Variants in KCTD20 observed in about 807,000 individuals in gnomAD.
KCTD20 encodes BTB/POZ domain-containing protein KCTD20.
A neutral mutation model predicts 39.6 loss-of-function variants in KCTD20; 30 were observed. That is an observed-to-expected ratio of 0.76 (90% CI 0.57 to 1.03). KCTD20 has a LOEUF of 1.03. Ranked by LOEUF, KCTD20 falls within the 50% of genes least tolerant of loss-of-function variation. The pLI, the probability that KCTD20 is intolerant of heterozygous loss-of-function variation, is 0.00. For missense variants in KCTD20, 422 were observed against 522.0 expected (o/e 0.81, Z 1.87); for synonymous variants, 162 against 180.6 (o/e 0.90, Z 0.83).
chr6:36,466,990 A>G (rs541006529), intron 1 of KCTD20, among the ~76,000 whole-genome samples: 1 of 152,184 alleles, frequency 6.6e-6, no homozygotes, highest in East Asian at 1.9e-4. Context: ...GGGTTCGGTG[A>G]TATCTGAAAG....
intron 2 of KCTD20, among the ~76,000 whole-genome samples, chr6:36,470,895 A>G (rs1775891131): frequency 2.0e-5 from 3 of 152,228 alleles, no homozygotes. Flanking sequence ...CACGCCTATA[A>G]TCCCAGCACT....
At chr6:36,478,076 C>T (rs1389204688) in intron 3 of KCTD20, among the ~76,000 whole-genome samples, 1 of 138,356 alleles carries the variant, frequency 7.2e-6, no homozygotes, top group Non-Finnish European at 1.5e-5. Context: ...GCCTGGGCAA[C>T]AGAGCGAAAC....
At chr6:36,459,885 T>C (rs1295246754) in intron 1 of KCTD20, among the ~76,000 whole-genome samples, 1 of 152,246 alleles carries the variant, frequency 6.6e-6, no homozygotes, top group East Asian at 1.9e-4. Context: ...GCTTAGCTCT[T>C]TTCTATAAAA....
At chr6:36,447,770 CG>C (rs1199074876) in intron 1 of KCTD20, among the ~76,000 whole-genome samples, 1 of 151,794 alleles carries the variant, frequency 6.6e-6, no homozygotes, top group Non-Finnish European at 1.5e-5. Context: ...ATGGGCACAT[CG>C]CTTGAGCCCA....
At chr6:36,476,534 A>G (rs935950551) in intron 3 of KCTD20, among the ~76,000 whole-genome samples, 2 of 151,452 alleles carry the variant, frequency 1.3e-5, no homozygotes, top group African/African-American at 2.4e-5. Context: ...GGTTCAAGCA[A>G]TTCTCGTGCC....
At chr6:36,449,413 T>A (rs1582298181) in intron 1 of KCTD20, among the ~76,000 whole-genome samples, 1 of 151,980 alleles carries the variant, frequency 6.6e-6, no homozygotes. Context: ...GAGCGCTGAT[T>A]CATGCGTTTT....
chr6:36,475,018 G>A lies in KCTD20; in HGVS notation c.390G>A (p.Val130=), dbSNP rs748952407. 2 of 1,614,124 alleles carry A rather than the reference G, an allele frequency of 1.2e-6. No homozygotes were observed. The highest frequency in any genetic ancestry group is 2.2e-5 in the East Asian group (1 of 44,888). The change falls in exon 3 of 8, where the codon GTG becomes GTA. Residue 130 remains valine (V), a synonymous_variant. Transcript: ENST00000373731. ...TTGTAGATGGCACACGTTTTGTTGT[G>A]AATCCACAGATTTTCACTGCTCATC... is the stretch of plus-strand genomic sequence containing the variant. ...TLLVDGTRFV[V]NPQIFTAHPD...
At chr6:36,485,747 C>T (rs1776400619) in intron 7 of KCTD20, among the ~76,000 whole-genome samples, 3 of 152,106 alleles carry the variant, frequency 2.0e-5, no homozygotes, top group Admixed American at 6.6e-5. Context: ...CCGCCTCGGC[C>T]TCCCTAAGTG....
In KCTD20 at chr6:36,481,553, T is replaced by G. The variant is rs1214871884; in HGVS notation, c.659-9T>G. ...AGAAAGCATGTTCACCTACATTTTC[T>G]CTCTGCAGGTGCTTTACTCCATGAA... On this transcript the variant is annotated splice_polypyrimidine_tract_variant and intron_variant, in intron 5 of 7. Transcript: ENST00000373731. 6.2e-7 allele frequency: 1 copy of G among 1,607,026 alleles called. No homozygotes were observed. The highest frequency in any genetic ancestry group is 1.7e-5 in the Admixed American group (1 of 60,002).
chr6:36,485,488 C>CTTTTTTTTTT (rs34990483), intron 7 of KCTD20, among the ~76,000 whole-genome samples: 1 of 97,100 alleles, frequency 1.0e-5, no homozygotes, highest in Non-Finnish European at 2.0e-5. Flanking sequence ...TGGAGTGGAT[C>CTTTTTTTTTT]TTTTTTTTTT....
chr6:36,479,743 A>T, intron 5 of KCTD20, 32 bp downstream of exon 5: 1 of 1,464,970 alleles, frequency 6.8e-7, no homozygotes, highest in Non-Finnish European at 9.3e-7. Flanking sequence ...AGCTGCACTT[A>T]AGCAGCTGAA....
At chr6:36,443,976 C>G (rs1355206826) in intron 1 of KCTD20, among the ~76,000 whole-genome samples, 1 of 152,198 alleles carries the variant, frequency 6.6e-6, no homozygotes, top group Non-Finnish European at 1.5e-5. Context: ...GTCTTCAAAA[C>G]AAAGTGTTGT....
At chr6:36,449,696 G>T (rs1217279969) in intron 1 of KCTD20, among the ~76,000 whole-genome samples, 2 of 152,136 alleles carry the variant, frequency 1.3e-5, no homozygotes, top group African/African-American at 4.8e-5. Flanking sequence ...CTGTTTATGT[G>T]TTCTACTCGC....
At chr6:36,475,260 A>C (rs954402878) in intron 3 of KCTD20, among the ~76,000 whole-genome samples, 198 bp downstream of exon 3, 6 of 152,134 alleles carry the variant, frequency 3.9e-5, no homozygotes, top group Non-Finnish European at 8.8e-5. Context: ...AGCCTGGCCA[A>C]CATGGTGAAA....
intron 6 of KCTD20, among the ~76,000 whole-genome samples, chr6:36,483,534 A>G (rs1650585676): frequency 6.6e-6 from 1 of 152,068 alleles, no homozygotes; most frequent in South Asian, 2.1e-4. Context: ...ATTTTTTTAC[A>G]GATAGAATCT....
intron 7 of KCTD20, among the ~76,000 whole-genome samples, chr6:36,485,533 C>T (rs1320072003): frequency 2.3e-5 from 3 of 130,064 alleles, no homozygotes; most frequent in Admixed American, 9.9e-5. Flanking sequence ...CTCACTCTGT[C>T]GCCCAGGTGG....
chr6:36,475,966 A>G (rs1776050570), intron 3 of KCTD20, among the ~76,000 whole-genome samples: 2 of 152,180 alleles, frequency 1.3e-5, no homozygotes, highest in Non-Finnish European at 2.9e-5. Context: ...TTTGTTTCAT[A>G]ATTGCCCTCT....
intron 3 of KCTD20, among the ~76,000 whole-genome samples, chr6:36,477,988 G>A (rs1776120494): frequency 1.3e-5 from 2 of 151,378 alleles, no homozygotes; most frequent in Non-Finnish European, 2.9e-5. Context: ...CCAACTGCTG[G>A]GGAGGCTAAG....
At chr6:36,453,634 C>T (rs1196678414) in intron 1 of KCTD20, among the ~76,000 whole-genome samples, 1 of 151,856 alleles carries the variant, frequency 6.6e-6, no homozygotes, top group African/African-American at 2.4e-5. Flanking sequence ...CCTGCCTCAG[C>T]CTCCCCAGTA....
Sources: allele counts gnomAD v4.1 joint callset (sites outside exome capture counted in the v4.1 genomes callset), GRCh38; gene constraint gnomAD v4.1.1; transcripts MANE v1.5; gene names NCBI Gene and HGNC (gene_info 2026-07-23, HGNC 2026-07-21).